The following FREM1 variants were observed in gnomAD, a reference collection of about 807,000 sequenced individuals.
FREM1 encodes the protein FRAS1 related extracellular matrix 1, also known as FRAS1-related extracellular matrix protein 1.
FREM1 carries 220 observed loss-of-function variants against 210.1 expected under a neutral mutation model. The observed-to-expected ratio is 1.05, with a 90% CI of 0.94 to 1.17. The LOEUF is 1.17. Ranked by LOEUF, FREM1 falls within the 50% of genes most tolerant of loss-of-function variation. The pLI, the probability that FREM1 is intolerant of heterozygous loss-of-function variation, is 0.00. For missense variants in FREM1, 3,454 were observed against 2,675.5 expected (o/e 1.29, Z -6.42); for synonymous variants, 1,189 against 980.2 (o/e 1.21, Z -3.98).
chr9:14,894,661 C>A (rs1286473380), intron 1 of FREM1, among the ~76,000 whole-genome samples: 2 of 151,920 alleles, frequency 1.3e-5, no homozygotes, highest in East Asian at 1.9e-4. Flanking sequence ...TTTTTAGAAC[C>A]AAGAAAACTT....
chr9:14,757,623 C>A (rs976681770), intron 28 of FREM1, among the ~76,000 whole-genome samples: 4 of 152,110 alleles, frequency 2.6e-5, no homozygotes, highest in African/African-American at 9.7e-5. Context: ...CGTGTGCAAG[C>A]ATTTCTGTTA....
At chr9:14,745,679 C>G (rs1443764120) in intron 35 of FREM1, among the ~76,000 whole-genome samples, 3 of 152,166 alleles carry the variant, frequency 2.0e-5, no homozygotes, top group Admixed American at 1.3e-4. Flanking sequence ...AATTTCCAGC[C>G]ATAGGGCATA....
chr9:14,829,979 G>C (rs1823243831), intron 10 of FREM1, among the ~76,000 whole-genome samples: 2 of 152,118 alleles, frequency 1.3e-5, no homozygotes. Context: ...AAAGCACATG[G>C]GTGAAGTGGA....
At chr9:14,796,861 G>C (rs1023311038) in intron 21 of FREM1, among the ~76,000 whole-genome samples, 13 of 152,218 alleles carry the variant, frequency 8.5e-5, no homozygotes, top group Admixed American at 8.5e-4. Flanking sequence ...ACTCAGTCTT[G>C]GGTATGTCCT....
Position 14,792,853 on chromosome 9 carries a change from T to C in FREM1, c.3871A>G (p.Thr1291Ala). The C allele has an allele frequency of 6.3e-7, 1 of 1,593,570 alleles. No individual in the cohort carries two copies. The highest frequency in any genetic ancestry group is 8.6e-7 in the Non-Finnish European group (1 of 1,168,626). Reference protein sequence around the residue: ...KAEIAMNMGETRIISSAILSA... With the variant: ...KAEIAMNMGEARIISSAILSA... The stretch of plus-strand genomic sequence containing the variant: ...AGAATAGCACTGGAAATAATACGAG[T>C]TTCACCCATATTCATTGCAATTTCA... The change falls in exon 22 of 37, where the codon ACT becomes GCT. Residue 1291 changes from threonine to alanine, a missense_variant. Coordinates refer to ENST00000380880, the MANE Select transcript of FREM1 (RefSeq NM_001379081.2).
intron 23 of FREM1, among the ~76,000 whole-genome samples, chr9:14,785,462 T>G (rs1850278817): frequency 6.6e-6 from 1 of 152,220 alleles, no homozygotes; most frequent in African/African-American, 2.4e-5. Flanking sequence ...TCATGATATA[T>G]TTTTTAAATG....
intron 27 of FREM1, 32 bp from the exon 28 acceptor site, chr9:14,759,933 A>C (rs1229227795): frequency 3.8e-6 from 6 of 1,591,714 alleles, no homozygotes; most frequent in Non-Finnish European, 5.1e-6. Flanking sequence ...AAATCATGAG[A>C]ATGCATAGTA....
intron 29 of FREM1, among the ~76,000 whole-genome samples, chr9:14,752,609 T>C (rs1039111406): frequency 2.0e-5 from 3 of 152,104 alleles, no homozygotes; most frequent in African/African-American, 7.2e-5. Flanking sequence ...GATAGACAGA[T>C]AGGCTAGAAG....
rs1247834531 is a variant in FREM1 at position 14,857,675 on chromosome 9, T to G, written c.706A>C (p.Ser236Arg). 6.2e-7 allele frequency: 1 copy of G among 1,613,400 alleles called. No homozygotes were observed. The highest frequency in any genetic ancestry group is 1.3e-5 in the African/African-American group (1 of 74,870). The part of the protein sequence containing the change: ...GLKKIGSLKV[S>R]CEEFLLMGLR... ...CCCATCAGCAGGAACTCCTCACAGCTCACTTTGAGGCTTCCTATTTTCTTT... is the reference window on the plus strand; with the variant it reads ...CCCATCAGCAGGAACTCCTCACAGCGCACTTTGAGGCTTCCTATTTTCTTT... Residue 236 changes from serine (S) to arginine (R), a missense_variant, in exon 5 of 37, where the codon AGC (serine) becomes CGC (arginine). Transcript: ENST00000380880.
In FREM1 at chr9:14,740,132, C is replaced by A. The variant is rs773461781; in HGVS notation, c.6340+17G>T. On this transcript the variant is annotated intron_variant, in intron 36 of 36. Coordinates refer to ENST00000380880, the MANE Select transcript of FREM1 (RefSeq NM_001379081.2). Reference sequence around the variant, plus strand: ...CTTGCCTCCCTCCTCAGTGCAGCCTCCCTCCCAGATACTTGCCTATCCAAA... The same window carrying A: ...CTTGCCTCCCTCCTCAGTGCAGCCTACCTCCCAGATACTTGCCTATCCAAA... 1.3e-6 allele frequency: 2 copies of A among 1,577,850 alleles called. No individual in the cohort carries two copies. Among genetic ancestry groups the A allele is most frequent in the East Asian group, 2.2e-5 (1 of 44,570 alleles).
intron 1 of FREM1, among the ~76,000 whole-genome samples, chr9:14,903,978 T>C (rs1172067655): frequency 1.3e-5 from 2 of 151,776 alleles, no homozygotes; most frequent in Non-Finnish European, 2.9e-5. Context: ...AAAAATTAGC[T>C]GGGCGTGGTG....
intron 1 of FREM1, among the ~76,000 whole-genome samples, chr9:14,904,621 G>A (rs993504042): frequency 6.6e-6 from 1 of 152,208 alleles, no homozygotes; most frequent in Admixed American, 6.5e-5. Context: ...GAGAATGTGT[G>A]AAAGTCTCAA....
chr9:14,800,920 A>T (rs936025648), intron 20 of FREM1, among the ~76,000 whole-genome samples: 3 of 152,300 alleles, frequency 2.0e-5, no homozygotes, highest in African/African-American at 7.2e-5. Flanking sequence ...GCAAATAAAC[A>T]TTGTATATAT....
rs567375163 is a variant in FREM1, at chr9:14,836,118, C to T, written c.1881+5329G>A. On this transcript the variant is annotated intron_variant, in intron 10 of 36. Coordinates refer to ENST00000380880, the MANE Select transcript of FREM1 (RefSeq NM_001379081.2). The surrounding 1 kb of genome is among the most constrained non-coding windows in gnomAD (Gnocchi z 4.9). ...TGTTTGGGAAAATAAAACCAAGGAACTTCATAGACCCCCAAAGGGGAGTTC... is the reference window on the plus strand; with the variant it reads ...TGTTTGGGAAAATAAAACCAAGGAATTTCATAGACCCCCAAAGGGGAGTTC... Among the ~76,000 whole-genome samples the T allele has an allele frequency of 6.6e-6, 1 of 152,162 alleles. No homozygotes were observed. Among genetic ancestry groups the T allele is most frequent in the Non-Finnish European group, 1.5e-5 (1 of 68,034 alleles).
chr9:14,859,523 C>T, intron 3 of FREM1, 39 bp from the exon 4 acceptor site: 2 of 1,546,466 alleles, frequency 1.3e-6, no homozygotes, highest in Admixed American at 1.8e-5. Flanking sequence ...TTAATTGGTG[C>T]TCAGGTATTT....
chr9:14,789,082 G>A lies in FREM1; in HGVS notation c.4014C>T (p.Gly1338=), dbSNP rs1850871963. 1.9e-6 allele frequency: 3 copies of A among 1,602,100 alleles called. No homozygotes were observed. Among genetic ancestry groups the A allele is most frequent in the Non-Finnish European group, 2.6e-6 (3 of 1,173,834 alleles). ...IGRDWVPLSP[G]MKCTQEEVDL... ...CCACTTCCTCCTGAGTGCATTTCATGCCAGGGGAGAGAGGAACCCAGTCCC... is the reference window on the plus strand; with the variant it reads ...CCACTTCCTCCTGAGTGCATTTCATACCAGGGGAGAGAGGAACCCAGTCCC... The change falls in exon 23 of 37, where the codon GGC becomes GGT. Residue 1338 remains glycine, a synonymous_variant. Transcript: ENST00000380880.
intron 2 of FREM1, among the ~76,000 whole-genome samples, chr9:14,865,141 A>T (rs977133735): frequency 6.6e-6 from 1 of 152,182 alleles, no homozygotes; most frequent in Non-Finnish European, 1.5e-5. Flanking sequence ...TTATAATTAA[A>T]TTGTCACACA....
At chr9:14,756,245 T>C in intron 29 of FREM1, 129 bp downstream of exon 29, 1 of 671,404 alleles carries the variant, frequency 1.5e-6, no homozygotes, top group Non-Finnish European at 2.6e-6. Flanking sequence ...TGAGGTGGTA[T>C]GGCTCCCTGA....
At chr9:14,869,567 T>C (rs1319153144) in intron 1 of FREM1, among the ~76,000 whole-genome samples, 3 of 152,244 alleles carry the variant, frequency 2.0e-5, no homozygotes, top group Non-Finnish European at 2.9e-5. Context: ...ACTGAGTTCA[T>C]AGACAGTTGT....
Sources: allele counts gnomAD v4.1 joint callset (sites outside exome capture counted in the v4.1 genomes callset), GRCh38; gene constraint gnomAD v4.1.1; non-coding constraint Gnocchi (gnomAD v3.1); transcripts MANE v1.5; gene names NCBI Gene and HGNC (gene_info 2026-07-23, HGNC 2026-07-21).